The following RIMKLA variants were observed in gnomAD, a reference collection of about 807,000 sequenced individuals.
RIMKLA encodes N-acetylaspartylglutamate synthase A.
Under a neutral mutation model 32.7 loss-of-function variants are expected in RIMKLA, and 14 were observed. The ratio of observed to expected loss-of-function variants is 0.43; its 90% CI spans 0.28 to 0.67. The LOEUF (loss-of-function observed/expected upper bound fraction) is 0.67. Ranked by LOEUF, RIMKLA falls within the 30% of genes least tolerant of loss-of-function variation. RIMKLA has a pLI of 0.18. For missense variants in RIMKLA, 410 were observed against 519.0 expected (o/e 0.79, Z 2.04); for synonymous variants, 176 against 204.1 (o/e 0.86, Z 1.18).
chr1:42,393,845 C>T (rs529534781), intron 1 of RIMKLA, among the ~76,000 whole-genome samples: 5 of 152,264 alleles, frequency 3.3e-5, no homozygotes, highest in Non-Finnish European at 7.4e-5. Context: ...AGTGCAATGG[C>T]GGGATCTCGG....
At chr1:42,398,245 C>A (rs1036216700) in intron 1 of RIMKLA, among the ~76,000 whole-genome samples, 2 of 152,174 alleles carry the variant, frequency 1.3e-5, no homozygotes, top group Non-Finnish European at 2.9e-5. Flanking sequence ...TGCACTGAAG[C>A]CCTTCAGAAA....
chr1:42,385,801 C>CTT (rs1557749811), intron 1 of RIMKLA, among the ~76,000 whole-genome samples: 2,935 of 60,092 alleles, frequency 0.049, 241 homozygotes, highest in African/African-American at 0.056. Context: ...CTTTCTTTCT[C>CTT]TCTCTCTTTC....
chr1:42,385,759 C>G lies in RIMKLA; in HGVS notation c.163+4662C>G, dbSNP rs5773770. Among the ~76,000 whole-genome samples the G allele has an allele frequency of 2.1e-3, 164 of 79,988 alleles. 1 individual carries two copies. The highest frequency in any genetic ancestry group is 6.0e-3 in the African/African-American group (80 of 13,284). 52.5% of individuals were successfully genotyped at this position (79,988 alleles called of 152,430 possible). A position where few individuals can be genotyped will look rare whatever the true frequency, so the allele number is the denominator to read the frequency against. Reference sequence around the variant, plus strand: ...TCTTTCTTTCTTTCTTTCTTTCTTTCTTTCTTTCTTTGTTTCTTTGTTTGT... The same window carrying G: ...TCTTTCTTTCTTTCTTTCTTTCTTTGTTTCTTTCTTTGTTTCTTTGTTTGT... On this transcript the variant is annotated intron_variant, in intron 1 of 4. Coordinates refer to ENST00000431473, the MANE Select transcript of RIMKLA (RefSeq NM_173642.4).
chr1:42,380,921 C>T lies in RIMKLA; in HGVS notation c.-14C>T. On this transcript the variant is annotated 5_prime_UTR_variant, in exon 1 of 5. Coordinates refer to ENST00000431473, the MANE Select transcript of RIMKLA (RefSeq NM_173642.4). ...AGGGGTCCGCGCCGCGCGGGGCGCACCGCCCTGGCCGCCATGTGCTCCCAG... is the reference window on the plus strand; with the variant it reads ...AGGGGTCCGCGCCGCGCGGGGCGCATCGCCCTGGCCGCCATGTGCTCCCAG... 1 of 1,351,506 alleles carries T rather than the reference C, an allele frequency of 7.4e-7. No homozygotes were observed. Among genetic ancestry groups the T allele is most frequent in the Non-Finnish European group, 9.5e-7 (1 of 1,050,394 alleles). The allele number at this position is 1,351,506 out of a possible 1,614,324, so 83.7% of individuals were successfully genotyped here. A position where few individuals can be genotyped will look rare whatever the true frequency, so the allele number is the denominator to read the frequency against.
In RIMKLA at chr1:42,422,242, GCTT is replaced by G. The variant is rs990583242; in HGVS notation, c.*7271_*7273del. 1.3e-5 allele frequency: 2 copies of G among 152,204 alleles called. No individual in the cohort carries two copies. The highest frequency in any genetic ancestry group is 2.9e-5 in the Non-Finnish European group (2 of 68,036). The allele number at this position is 152,204 out of a possible 1,614,324, so 9.4% of individuals were successfully genotyped here. A position where few individuals can be genotyped will look rare whatever the true frequency, so the allele number is the denominator to read the frequency against. ...CATGAAGTTTAACACCTAAAAGACT[GCTT>G]CTCTGCTTGTTCTGTCTAACTTCTG... On this transcript the variant is annotated 3_prime_UTR_variant, in exon 5 of 5. Transcript: ENST00000431473.
chr1:42,412,601 T>C, intron 4 of RIMKLA: 2 of 510,646 alleles, frequency 3.9e-6, no homozygotes, highest in South Asian at 2.8e-5. Flanking sequence ...TTAACCTGCC[T>C]GTGAGGTTCA....
chr1:42,401,299 T>C (rs1308435897), intron 2 of RIMKLA, among the ~76,000 whole-genome samples: 1 of 152,052 alleles, frequency 6.6e-6, no homozygotes, highest in Non-Finnish European at 1.5e-5. Context: ...CCACAGCCTG[T>C]TATTAGGGTT....
intron 1 of RIMKLA, among the ~76,000 whole-genome samples, chr1:42,385,528 A>G (rs1247199463): frequency 6.6e-6 from 1 of 152,196 alleles, no homozygotes; most frequent in Non-Finnish European, 1.5e-5. Flanking sequence ...TCTAGGTCAG[A>G]TTCTTTAAAT....
intron 1 of RIMKLA, among the ~76,000 whole-genome samples, chr1:42,397,326 C>G (rs951639873): frequency 6.6e-6 from 1 of 152,062 alleles, no homozygotes; most frequent in Non-Finnish European, 1.5e-5. Flanking sequence ...TCATTAGCAC[C>G]CTTTTCCCCC....
chr1:42,408,290 C>T (rs1015292408), intron 3 of RIMKLA, among the ~76,000 whole-genome samples: 8 of 152,210 alleles, frequency 5.3e-5, no homozygotes, highest in African/African-American at 1.7e-4. Flanking sequence ...CTTCAGATCA[C>T]GTGGCTGAAC....
At chr1:42,393,892 C>T (rs1643019869) in intron 1 of RIMKLA, among the ~76,000 whole-genome samples, 1 of 152,220 alleles carries the variant, frequency 6.6e-6, no homozygotes, top group Non-Finnish European at 1.5e-5. Context: ...TCAAGCAATT[C>T]TCCTGCCTCA....
At position 42,421,541 on chromosome 1, in the gene RIMKLA, C is replaced by G. The variant is rs1205062154; in HGVS notation, c.*6567C>G. On this transcript the variant is annotated 3_prime_UTR_variant, in exon 5 of 5. Coordinates refer to ENST00000431473, the MANE Select transcript of RIMKLA (RefSeq NM_173642.4). This position sits in a 1 kb window ranked among gnomAD's most constrained non-coding sequence, Gnocchi z 4.6. ...TCCGGAGTGGGACTCCCGTAATCTC[C>G]TATTTAGAAGGAACACTGATCTGCA... The G allele has an allele frequency of 1.3e-5, 2 of 152,358 alleles. No individual in the cohort carries two copies. The highest frequency in any genetic ancestry group is 2.9e-5 in the Non-Finnish European group (2 of 68,170). The allele number at this position is 152,358 out of a possible 1,614,324, so 9.4% of individuals were successfully genotyped here. A position where few individuals can be genotyped will look rare whatever the true frequency, so the allele number is the denominator to read the frequency against.
chr1:42,397,352 ATGCAGTATAATATCAC>A (rs2148388580), intron 1 of RIMKLA, among the ~76,000 whole-genome samples: 1 of 152,326 alleles, frequency 6.6e-6, no homozygotes, highest in Admixed American at 6.5e-5. Context: ...TTATGTGGTT[ATGCAGTATAATATCAC>A]TTACAAAATA....
At chr1:42,395,035 C>T (rs573498772) in intron 1 of RIMKLA, among the ~76,000 whole-genome samples, 6 of 152,218 alleles carry the variant, frequency 3.9e-5, no homozygotes, top group African/African-American at 7.2e-5. Context: ...CACTGTGCCC[C>T]GCCTAGTTAT....
At chr1:42,383,602 C>T (rs1642910189) in intron 1 of RIMKLA, among the ~76,000 whole-genome samples, 2 of 152,194 alleles carry the variant, frequency 1.3e-5, no homozygotes, top group East Asian at 1.9e-4. Flanking sequence ...CAGAATTCAA[C>T]TTGCTTTGAA....
intron 1 of RIMKLA, among the ~76,000 whole-genome samples, chr1:42,384,524 T>TACACAC (rs1642918065): frequency 7.6e-5 from 11 of 143,796 alleles, no homozygotes; most frequent in East Asian, 5.9e-4. Context: ...TATATGTGTG[T>TACACAC]ATATATACAT....
In RIMKLA at chr1:42,416,749, A is replaced by AT. The variant is rs1258825843; in HGVS notation, c.*1781dup. Reference sequence around the variant, plus strand: ...AATGTGTATAAAGTTAAGCTATTGCATTTTTTCATAACACATTTAAATAGA... The same window carrying AT: ...AATGTGTATAAAGTTAAGCTATTGCATTTTTTTCATAACACATTTAAATAGA... On this transcript the variant is annotated 3_prime_UTR_variant, in exon 5 of 5. Coordinates refer to ENST00000431473, the MANE Select transcript of RIMKLA (RefSeq NM_173642.4). 1 of 152,190 alleles carries AT rather than the reference A, an allele frequency of 6.6e-6. No individual in the cohort carries two copies. Among genetic ancestry groups the AT allele is most frequent in the East Asian group, 1.9e-4 (1 of 5,198 alleles). 9.4% of individuals were successfully genotyped at this position (152,190 alleles called of 1,614,324 possible).
rs1413670502 is a variant in RIMKLA at position 42,392,461 on chromosome 1, CAG to C, written c.164-6942_164-6941del. Among the ~76,000 whole-genome samples the C allele has an allele frequency of 5.3e-5, 8 of 152,294 alleles. No homozygotes were observed. The East Asian group carries it at 1.5e-3, about 29-fold the overall frequency. On this transcript the variant is annotated intron_variant, in intron 1 of 4. Transcript: ENST00000431473. ...CTCCCATGCCCAGCCCTTAAGAAGA[CAG>C]TGCTTGTTCCTTCCCTGTCAGTCCC... is the stretch of plus-strand genomic sequence containing the variant.
chr1:42,382,507 A>G (rs1642898200), intron 1 of RIMKLA, among the ~76,000 whole-genome samples: 1 of 152,204 alleles, frequency 6.6e-6, no homozygotes, highest in African/African-American at 2.4e-5. Flanking sequence ...TCATATTTAA[A>G]TTGTATAATC....
Sources: gnomAD v4.1 joint callset for allele counts (sites outside exome capture counted in the v4.1 genomes callset) on GRCh38, gnomAD v4.1.1 for gene constraint, Gnocchi (gnomAD v3.1) non-coding constraint, MANE v1.5 for transcripts, NCBI Gene and HGNC (gene_info 2026-07-23, HGNC 2026-07-21) for gene names.